The following COP1 variants were observed in gnomAD, a reference collection of about 807,000 sequenced individuals.
COP1 encodes COP1 E3 ubiquitin ligase.
A neutral mutation model predicts 101.3 loss-of-function variants in COP1; 24 were observed. The observed-to-expected ratio is 0.24, with a 90% CI of 0.17 to 0.33. The LOEUF is 0.33. Among genes scored for constraint, COP1 ranks in the 10% least tolerant of loss-of-function variants. The pLI, the probability that COP1 is intolerant of heterozygous loss-of-function variation, is 1.00. For synonymous variants in COP1, 347 were observed against 341.9 expected (o/e 1.01, Z -0.17); for missense variants, 663 against 906.2 (o/e 0.73, Z 3.45).
At chr1:176,123,500 AC>A (rs1687485959) in intron 8 of COP1, among the ~76,000 whole-genome samples, 1 of 152,150 alleles carries the variant, frequency 6.6e-6, no homozygotes, top group Non-Finnish European at 1.5e-5. Context: ...AATGACTCTA[AC>A]CTGAAAGGAC....
intron 15 of COP1, among the ~76,000 whole-genome samples, chr1:176,007,352 T>G (rs1005972598): frequency 1.3e-5 from 2 of 152,234 alleles, no homozygotes; most frequent in Admixed American, 6.5e-5. Context: ...CTCGTCAAAG[T>G]CATTCTCCAT....
intron 15 of COP1, among the ~76,000 whole-genome samples, chr1:176,006,709 G>A (rs186380528): frequency 1.3e-5 from 2 of 152,134 alleles, no homozygotes; most frequent in Admixed American, 1.3e-4. Flanking sequence ...GGTTTCTGCC[G>A]AGAGATCCGC....
At position 175,945,205 on chromosome 1, in the gene COP1, A is replaced by C. The variant is rs368579580; in HGVS notation, c.2179-35T>G. On this transcript the variant is annotated intron_variant, in intron 19 of 19. Coordinates refer to ENST00000367669, the MANE Select transcript of COP1 (RefSeq NM_022457.7). The stretch of plus-strand genomic sequence containing the variant: ...GGGAAAAAAGGATCCATTTAATAAA[A>C]TCATTTAAGATATAAAAGGAATTTA... 5.7e-5 allele frequency: 82 copies of C among 1,447,190 alleles called. No individual in the cohort carries two copies. In the African/African-American group the frequency reaches 1.1e-3, roughly 19 times the overall value. The allele number at this position is 1,447,190 out of a possible 1,614,324, so 89.6% of individuals were successfully genotyped here.
chr1:175,954,614 T>C (rs1650380909), intron 18 of COP1, among the ~76,000 whole-genome samples: 1 of 151,954 alleles, frequency 6.6e-6, no homozygotes, highest in African/African-American at 2.4e-5. Flanking sequence ...ACATGAACAA[T>C]TGTATGTCAA....
At chr1:175,999,461 A>G (rs967538881) in intron 15 of COP1, among the ~76,000 whole-genome samples, 4 of 151,994 alleles carry the variant, frequency 2.6e-5, no homozygotes, top group African/African-American at 9.7e-5. Flanking sequence ...TAATGGCTGA[A>G]TAGTACTCCA....
intron 2 of COP1, among the ~76,000 whole-genome samples, chr1:176,181,513 T>G (rs1697753186): frequency 6.6e-6 from 1 of 152,102 alleles, no homozygotes; most frequent in Admixed American, 6.5e-5. Context: ...TTATGGCCTC[T>G]ATTCTACTAA....
chr1:176,098,259 A>G lies in COP1; in HGVS notation c.1027-12369T>C, dbSNP rs184199624. Among the ~76,000 whole-genome samples, 292 of 152,338 alleles carry G rather than the reference A, an allele frequency of 1.9e-3. 3 individuals carry two copies. Among genetic ancestry groups the G allele is most frequent in the African/African-American group, 6.8e-3 (282 of 41,582 alleles). ...AAGCAAATAATTAAAACAATTTACC[A>G]GGTTTTAAAGGTAAAATTGCTAAGA... On this transcript the variant is annotated intron_variant, in intron 9 of 19. Transcript: ENST00000367669.
At chr1:176,101,694 C>T (rs1303024500) in intron 9 of COP1, among the ~76,000 whole-genome samples, 2 of 152,112 alleles carry the variant, frequency 1.3e-5, no homozygotes, top group Non-Finnish European at 2.9e-5. Context: ...GTCCTCACAC[C>T]CTCCCCACTT....
chr1:176,031,664 T>C (rs1418812662), intron 14 of COP1, among the ~76,000 whole-genome samples: 1 of 152,144 alleles, frequency 6.6e-6, no homozygotes, highest in Non-Finnish European at 1.5e-5. Context: ...CATACCATAA[T>C]TAGGAGGTTA....
chr1:176,021,601 T>C (rs868798991), intron 15 of COP1, among the ~76,000 whole-genome samples: 4 of 152,188 alleles, frequency 2.6e-5, no homozygotes, highest in South Asian at 2.1e-4. Context: ...CATGTAGGCA[T>C]GTAAATATTG....
intron 1 of COP1, among the ~76,000 whole-genome samples, chr1:176,200,726 T>C (rs1053706910): frequency 1.3e-5 from 2 of 151,752 alleles, no homozygotes; most frequent in East Asian, 3.8e-4. Context: ...AGTGAATATA[T>C]TGTTTGAGAA....
intron 13 of COP1, 99 bp from the exon 14 acceptor site, chr1:176,043,366 G>A (rs1670973380): frequency 2.8e-6 from 2 of 713,408 alleles, no homozygotes; most frequent in African/African-American, 1.8e-5. Flanking sequence ...ATTGTTACGG[G>A]GAGAGGGAAA....
At chr1:175,994,218 C>A (rs1557869519) in intron 15 of COP1, among the ~76,000 whole-genome samples, 1 of 152,192 alleles carries the variant, frequency 6.6e-6, no homozygotes, top group Non-Finnish European at 1.5e-5. Flanking sequence ...ACCACCAGGC[C>A]TGCCCTAAAA....
intron 18 of COP1, among the ~76,000 whole-genome samples, chr1:175,959,285 T>C (rs146840689): frequency 2.3e-4 from 35 of 152,120 alleles, no homozygotes; most frequent in African/African-American, 7.7e-4. Flanking sequence ...TCTCAGCACA[T>C]TGAGAACTGA....
intron 11 of COP1, among the ~76,000 whole-genome samples, chr1:176,055,519 C>A (rs1030903037): frequency 6.6e-6 from 1 of 152,210 alleles, no homozygotes; most frequent in Non-Finnish European, 1.5e-5. Flanking sequence ...TCCTGGATTT[C>A]TTTGGTGATC....
chr1:176,031,438 A>G (rs764101889), intron 14 of COP1, among the ~76,000 whole-genome samples: 5 of 152,170 alleles, frequency 3.3e-5, no homozygotes, highest in Non-Finnish European at 7.4e-5. Context: ...TTTCCTTGCA[A>G]GGATGGTAGT....
intron 15 of COP1, among the ~76,000 whole-genome samples, chr1:176,000,367 A>C (rs1314054992): frequency 6.6e-6 from 1 of 152,052 alleles, no homozygotes; most frequent in South Asian, 2.1e-4. Context: ...TCTTTTCTCC[A>C]GTGTATGTTC....
chr1:176,002,239 A>T (rs1661803484), intron 15 of COP1, among the ~76,000 whole-genome samples: 2 of 152,110 alleles, frequency 1.3e-5, no homozygotes, highest in African/African-American at 2.4e-5. Context: ...TGGTGTCTCC[A>T]GGTTTGTGAA....
intron 16 of COP1, 74 bp from the exon 17 acceptor site, chr1:175,988,486 C>G: frequency 7.3e-7 from 1 of 1,375,592 alleles, no homozygotes; most frequent in Middle Eastern, 1.9e-4. Flanking sequence ...TAATTAGAGG[C>G]AATGCAGTTT....
Sources: gnomAD v4.1 joint callset for allele counts (sites outside exome capture counted in the v4.1 genomes callset) on GRCh38, gnomAD v4.1.1 for gene constraint, MANE v1.5 for transcripts, NCBI Gene and HGNC (gene_info 2026-07-23, HGNC 2026-07-21) for gene names.